STK3: variants seen among roughly 807,000 people sequenced by gnomAD.
STK3 encodes serine/threonine-protein kinase 3.
A neutral mutation model predicts 58.0 loss-of-function variants in STK3; 41 were observed. The ratio of observed to expected loss-of-function variants is 0.71; its 90% CI spans 0.55 to 0.92. The LOEUF (loss-of-function observed/expected upper bound fraction) is 0.92. STK3 is among the 40% of genes least tolerant of loss of function. STK3 has a pLI of 0.00. For synonymous variants in STK3, 170 were observed against 191.0 expected, an observed-to-expected ratio of 0.89 and a Z score of 0.91; for missense variants, 479 against 602.7, an observed-to-expected ratio of 0.79 and a Z score of 2.15.
At chr8:98,553,770 C>T (rs1232031306) in intron 8 of STK3, among the ~76,000 whole-genome samples, 1 of 152,060 alleles carries the variant, frequency 6.6e-6, no homozygotes, top group Admixed American at 6.6e-5. Flanking sequence ...TCAAGACCAG[C>T]CTGGCCAACA....
chr8:98,747,089 CAAAA>C (rs561765459), intron 4 of STK3, among the ~76,000 whole-genome samples: 2 of 78,638 alleles, frequency 2.5e-5, no homozygotes, highest in Admixed American at 1.4e-4. Flanking sequence ...ACATTTTCAC[CAAAA>C]AAAAAAAAAA....
intron 3 of STK3, among the ~76,000 whole-genome samples, chr8:98,860,984 C>G (rs1390303793): frequency 1.3e-5 from 2 of 151,980 alleles, no homozygotes; most frequent in African/African-American, 4.8e-5. Flanking sequence ...TGCTTGAACC[C>G]AGGAGGTGGA....
intron 10 of STK3, among the ~76,000 whole-genome samples, chr8:98,485,151 G>C (rs1229312767): frequency 6.6e-6 from 1 of 151,938 alleles, no homozygotes. Context: ...TGAGGCAGGA[G>C]AATCACTTGA....
downstream of STK3, among the ~76,000 whole-genome samples, chr8:98,400,560 G>A (rs1343965931): frequency 1.3e-5 from 2 of 152,186 alleles, no homozygotes; most frequent in African/African-American, 2.4e-5. Context: ...CCTCTTCCAG[G>A]CTTCTCCTGT....
intron 1 of STK3, chr8:98,388,053 G>GA (rs751030181): frequency 6.6e-6 from 1 of 151,750 alleles, no homozygotes; most frequent in African/African-American, 2.4e-5. Context: ...GCAATGCATT[G>GA]AAACATATCA....
At chr8:98,807,356 A>G (rs927392410) in intron 1 of STK3, among the ~76,000 whole-genome samples, 11 of 151,974 alleles carry the variant, frequency 7.2e-5, no homozygotes, top group Non-Finnish European at 1.3e-4. Flanking sequence ...TCCTGAGTCC[A>G]AACAATTCTT....
chr8:98,359,970 A>G, the STK3 span, among the ~76,000 whole-genome samples: 2 of 152,166 alleles, frequency 1.3e-5, no homozygotes, highest in Non-Finnish European at 2.9e-5. Flanking sequence ...TGGGAAGGGT[A>G]AACAGTGCTG....
At position 98,426,496 on chromosome 8, in the gene STK3, G is replaced by T. The variant is rs57063021; in HGVS notation, n.483+7631C>A. 6.8e-3 allele frequency among the ~76,000 whole-genome samples: 1,029 copies of T among 151,804 alleles called. 41 individuals carry two copies. In the East Asian group the frequency reaches 0.13, roughly 19 times the overall value. The stretch of plus-strand genomic sequence containing the variant: ...GAACTCAGCGACTCCCGCCCCCGCC[G>T]TGCGGCCTGCGCTCCCGCCCCCCGC... On this transcript the variant is annotated intron_variant and non_coding_transcript_variant, in intron 3 of 3. Coordinates refer to the STK3 transcript ENST00000517832.
At chr8:98,507,084 A>G (rs1429149669) in intron 10 of STK3, among the ~76,000 whole-genome samples, 2 of 152,176 alleles carry the variant, frequency 1.3e-5, no homozygotes. Flanking sequence ...TGGGAAATGA[A>G]TACAGACCCC....
intron 3 of STK3, among the ~76,000 whole-genome samples, chr8:98,393,248 G>T (rs4424231): frequency 1.3e-5 from 2 of 152,254 alleles, no homozygotes; most frequent in East Asian, 3.9e-4. Context: ...ACATGGTCAA[G>T]GTCTACAGAC....
At chr8:98,767,032 A>T (rs539396083) in intron 3 of STK3, among the ~76,000 whole-genome samples, 2 of 152,332 alleles carry the variant, frequency 1.3e-5, no homozygotes, top group African/African-American at 4.8e-5. Context: ...GAGGCAGGAG[A>T]ATCGCTTGAA....
intron 6 of STK3, chr8:98,598,073 T>A (rs1311581512): frequency 1.4e-5 from 14 of 985,260 alleles, no homozygotes; most frequent in African/African-American, 1.7e-5. Context: ...TTCAAAGGAC[T>A]TACATAAGCC....
chr8:98,832,916 G>A (rs1281351687), intron 3 of STK3, among the ~76,000 whole-genome samples: 5 of 152,178 alleles, frequency 3.3e-5, no homozygotes, highest in African/African-American at 1.2e-4. Flanking sequence ...AAGATGGTAG[G>A]AAAAGTCTAT....
intron 7 of STK3, among the ~76,000 whole-genome samples, chr8:98,587,840 T>C (rs1361700492): frequency 1.3e-5 from 2 of 152,160 alleles, no homozygotes; most frequent in South Asian, 2.1e-4. Flanking sequence ...TTGATCCCTT[T>C]ACCATTATGT....
At chr8:98,651,768 G>C (rs1028173570) in intron 6 of STK3, 1 of 152,108 alleles carries the variant, frequency 6.6e-6, no homozygotes, top group African/African-American at 2.4e-5. Context: ...GAAGCGAGAA[G>C]GGAAGTTTAG....
At chr8:98,496,110 A>C (rs923809404) in intron 10 of STK3, among the ~76,000 whole-genome samples, 24 of 152,198 alleles carry the variant, frequency 1.6e-4, no homozygotes, top group African/African-American at 5.3e-4. Context: ...TCATGAAAGC[A>C]GAGTTTATGC....
At chr8:98,805,768 C>T (rs1366518708) in intron 1 of STK3, among the ~76,000 whole-genome samples, 1 of 152,108 alleles carries the variant, frequency 6.6e-6, no homozygotes, top group Non-Finnish European at 1.5e-5. Flanking sequence ...GGACTAGCAG[C>T]TATCTCTTCA....
intron 3 of STK3, among the ~76,000 whole-genome samples, chr8:98,869,840 CT>C (rs1039486736): frequency 1.1e-4 from 16 of 141,706 alleles, no homozygotes; most frequent in African/African-American, 3.1e-4. Flanking sequence ...TATATTTTTT[CT>C]TTTTTTTATT....
chr8:98,429,418 G>A (rs768186161), intron 3 of STK3: 1 of 1,595,140 alleles, frequency 6.3e-7, no homozygotes, highest in Non-Finnish European at 8.6e-7. Flanking sequence ...CGTTAGCCGG[G>A]AGGACTTGTC....
Sources: gnomAD v4.1 joint callset for allele counts (sites outside exome capture counted in the v4.1 genomes callset) on GRCh38, gnomAD v4.1.1 for gene constraint, MANE v1.5 for transcripts, NCBI Gene and HGNC (gene_info 2026-07-23, HGNC 2026-07-21) for gene names.